The following MBOAT2 variants were observed in gnomAD, a reference collection of about 807,000 sequenced individuals.
The protein encoded by MBOAT2 is membrane-bound glycerophospholipid O-acyltransferase 2.
A neutral mutation model predicts 63.4 loss-of-function variants in MBOAT2; 28 were observed. The ratio of observed to expected loss-of-function variants is 0.44; its 90% CI spans 0.33 to 0.61. The LOEUF (loss-of-function observed/expected upper bound fraction) is 0.61, where lower values mean the gene tolerates loss of function less well. Among genes scored for constraint, MBOAT2 ranks in the 20% least tolerant of loss-of-function variants. MBOAT2 has a pLI of 0.03. For synonymous variants in MBOAT2, 211 were observed against 215.6 expected, an observed-to-expected ratio of 0.98 and a Z score of 0.19; for missense variants, 470 against 605.8, an observed-to-expected ratio of 0.78 and a Z score of 2.35.
chr2:8,871,489 A>G (rs919610444), intron 8 of MBOAT2, among the ~76,000 whole-genome samples: 2 of 152,234 alleles, frequency 1.3e-5, no homozygotes, highest in African/African-American at 4.8e-5. Context: ...AATTCTTACA[A>G]AACCCTAAAA....
At chr2:8,938,562 CTG>C (rs966636822) in intron 3 of MBOAT2, among the ~76,000 whole-genome samples, 29 of 151,740 alleles carry the variant, frequency 1.9e-4, no homozygotes, top group Non-Finnish European at 2.6e-4. Context: ...TCTCATGCCG[CTG>C]TGTCTCAGGC....
chr2:8,949,385 G>T (rs958850056), intron 2 of MBOAT2, among the ~76,000 whole-genome samples: 3 of 149,148 alleles, frequency 2.0e-5, no homozygotes, highest in Non-Finnish European at 3.0e-5. Flanking sequence ...TGCTTTTGAG[G>T]ACTTAGTCAT....
intron 4 of MBOAT2, among the ~76,000 whole-genome samples, chr2:8,905,010 A>ACG (rs1046977585): frequency 2.6e-5 from 4 of 152,016 alleles, no homozygotes; most frequent in Non-Finnish European, 5.9e-5. Flanking sequence ...ACACACACAC[A>ACG]CGCGCGCAGT....
At chr2:8,929,049 T>A (rs1305372872) in intron 3 of MBOAT2, among the ~76,000 whole-genome samples, 1 of 151,556 alleles carries the variant, frequency 6.6e-6, no homozygotes, top group African/African-American at 2.4e-5. Flanking sequence ...ATGGAAAAGG[T>A]AGTGGGGAGG....
At chr2:8,954,058 G>A (rs1669029222) in intron 2 of MBOAT2, among the ~76,000 whole-genome samples, 1 of 152,096 alleles carries the variant, frequency 6.6e-6, no homozygotes, top group South Asian at 2.1e-4. Flanking sequence ...TTTTCATGCA[G>A]GTAAGATTTT....
intron 1 of MBOAT2, among the ~76,000 whole-genome samples, chr2:8,992,427 G>A (rs1028363465): frequency 2.0e-5 from 3 of 152,286 alleles, no homozygotes; most frequent in Non-Finnish European, 2.9e-5. Flanking sequence ...ATGAGCTACC[G>A]TGCCCAGCCT....
intron 1 of MBOAT2, among the ~76,000 whole-genome samples, chr2:8,986,685 G>T (rs1573253536): frequency 6.6e-6 from 1 of 152,310 alleles, no homozygotes; most frequent in East Asian, 1.9e-4. Context: ...CAATGTGATG[G>T]CATTTGGAGA....
In MBOAT2 at chr2:8,995,645, T is replaced by C. The variant is rs560872171; in HGVS notation, c.75+7895A>G. Among the ~76,000 whole-genome samples, 59 of 149,830 alleles carry C rather than the reference T, an allele frequency of 3.9e-4. No homozygotes were observed. In the South Asian group the frequency reaches 0.011, roughly 27 times the overall value. ...TCGCTCTGTCACCCAGGCTGGAGTG[T>C]AGTGGCACGATCTTGGCTCACTGCA... is the stretch of plus-strand genomic sequence containing the variant. On this transcript the variant is annotated intron_variant, in intron 1 of 12. Coordinates refer to ENST00000305997, the MANE Select transcript of MBOAT2 (RefSeq NM_138799.4).
chr2:8,907,189 T>G (rs1665400392), intron 4 of MBOAT2, among the ~76,000 whole-genome samples: 3 of 152,264 alleles, frequency 2.0e-5, no homozygotes, highest in African/African-American at 7.2e-5. Context: ...TCTTAATTTC[T>G]CTTTCAGATG....
chr2:8,999,371 T>C (rs1332225794), intron 1 of MBOAT2, among the ~76,000 whole-genome samples: 2 of 151,966 alleles, frequency 1.3e-5, no homozygotes, highest in African/African-American at 4.8e-5. Flanking sequence ...AAGAAAGAGA[T>C]GGGAGGGAGG....
chr2:8,876,636 G>A (rs752455009), intron 7 of MBOAT2, among the ~76,000 whole-genome samples: 1 of 151,878 alleles, frequency 6.6e-6, no homozygotes, highest in Non-Finnish European at 1.5e-5. Flanking sequence ...GGAGGATACA[G>A]AGTGTTTACA....
intron 2 of MBOAT2, among the ~76,000 whole-genome samples, chr2:8,952,719 G>A (rs1558650937): frequency 6.6e-6 from 1 of 150,436 alleles, no homozygotes; most frequent in South Asian, 2.1e-4. Flanking sequence ...TATGCATGTA[G>A]GTTTCATTAT....
chr2:8,880,164 T>C (rs1663007250), intron 6 of MBOAT2, among the ~76,000 whole-genome samples: 1 of 151,792 alleles, frequency 6.6e-6, no homozygotes. Flanking sequence ...GCACAGGGCA[T>C]GGGAGAAAAT....
intron 5 of MBOAT2, among the ~76,000 whole-genome samples, chr2:8,885,280 G>C (rs1054528444): frequency 2.0e-5 from 3 of 152,112 alleles, no homozygotes; most frequent in African/African-American, 7.2e-5. Flanking sequence ...TTTGGTTTCT[G>C]ATGGTTCAAT....
chr2:8,955,074 T>C (rs1391939763), intron 2 of MBOAT2, among the ~76,000 whole-genome samples: 1 of 152,180 alleles, frequency 6.6e-6, no homozygotes, highest in Non-Finnish European at 1.5e-5. Flanking sequence ...GCTGAGGTGC[T>C]TTCCACAATT....
intron 3 of MBOAT2, among the ~76,000 whole-genome samples, chr2:8,916,243 G>C (rs376228459): frequency 6.6e-6 from 1 of 152,142 alleles, no homozygotes; most frequent in Non-Finnish European, 1.5e-5. Context: ...TTCCAGCTTC[G>C]AGAGGTAACT....
intron 1 of MBOAT2, among the ~76,000 whole-genome samples, chr2:8,985,830 G>A (rs2103348925): frequency 6.6e-6 from 1 of 152,218 alleles, no homozygotes; most frequent in Middle Eastern, 3.4e-3. Flanking sequence ...ACACAGTAAT[G>A]AGAGCTTCTT....
rs200861971 is a variant in MBOAT2, at chr2:8,950,278, ACTT to A, written c.222-7017_222-7015del. The stretch of plus-strand genomic sequence containing the variant: ...ATCATCAGCAAAGACCGAGAGTTTG[ACTT>A]CTTCTTTTCCTATTTGGATGCCTTT... On this transcript the variant is annotated intron_variant, in intron 2 of 12. Coordinates refer to ENST00000305997, the MANE Select transcript of MBOAT2 (RefSeq NM_138799.4). Among the ~76,000 whole-genome samples, 1,444 of 152,126 alleles carry A rather than the reference ACTT, an allele frequency of 9.5e-3. 15 individuals carry two copies. The highest frequency in any genetic ancestry group is 0.014 in the Non-Finnish European group (965 of 67,990).
At chr2:9,001,649 T>G (rs1672698259) in intron 1 of MBOAT2, among the ~76,000 whole-genome samples, 1 of 152,200 alleles carries the variant, frequency 6.6e-6, no homozygotes, top group African/African-American at 2.4e-5. Flanking sequence ...ATGTCAAAAA[T>G]TTTAAGTCCT....
Sources: gnomAD v4.1 joint callset for allele counts (sites outside exome capture counted in the v4.1 genomes callset) on GRCh38, gnomAD v4.1.1 for gene constraint, MANE v1.5 for transcripts, NCBI Gene and HGNC (gene_info 2026-07-23, HGNC 2026-07-21) for gene names.